MAGI2: variants seen among roughly 807,000 people sequenced by gnomAD.
MAGI2 encodes membrane-associated guanylate kinase, WW and PDZ domain-containing protein 2.
Under a neutral mutation model 133.3 loss-of-function variants are expected in MAGI2, and 35 were observed. The observed-to-expected ratio is 0.26, with a 90% CI of 0.20 to 0.35. The LOEUF (loss-of-function observed/expected upper bound fraction) is 0.35. Ranked by LOEUF, MAGI2 falls within the 10% of genes least tolerant of loss-of-function variation. The pLI is 1.00. For synonymous variants in MAGI2, 729 were observed against 710.6 expected (o/e 1.03, Z -0.41); for missense variants, 1,636 against 1,863.4 (o/e 0.88, Z 2.25).
At chr7:78,051,711 A>G (rs111461786) in intron 21 of MAGI2, among the ~76,000 whole-genome samples, 15,266 of 151,950 alleles carry the variant, frequency 0.1, 842 homozygotes, top group African/African-American at 0.12. Context: ...CAGCCTCCCA[A>G]ATAGCTGGGA....
At chr7:78,531,200 GTAATTAT>G (rs1797438075) in intron 3 of MAGI2, among the ~76,000 whole-genome samples, 1 of 150,438 alleles carries the variant, frequency 6.6e-6, no homozygotes, top group Non-Finnish European at 1.5e-5. Flanking sequence ...TGTTATTAAT[GTAATTAT>G]TAATTAAGTT....
chr7:79,053,634 A>C (rs1333000204), intron 1 of MAGI2, among the ~76,000 whole-genome samples: 1 of 152,222 alleles, frequency 6.6e-6, no homozygotes, highest in Admixed American at 6.5e-5. Context: ...TTAATATTAT[A>C]AGCTCCCACA....
At chr7:78,070,168 CACACACAT>C (rs1814370203) in intron 21 of MAGI2, among the ~76,000 whole-genome samples, 1 of 78,102 alleles carries the variant, frequency 1.3e-5, no homozygotes, top group Non-Finnish European at 2.3e-5. Context: ...TATATACACA[CACACACAT>C]ATATATATAT....
chr7:78,721,489 A>G (rs542238811), intron 2 of MAGI2, among the ~76,000 whole-genome samples: 1 of 152,174 alleles, frequency 6.6e-6, no homozygotes, highest in Admixed American at 6.5e-5. Flanking sequence ...TAGAAAGCAG[A>G]GAATAGATAT....
At chr7:78,892,449 C>T (rs964149347) in intron 2 of MAGI2, among the ~76,000 whole-genome samples, 21 of 152,070 alleles carry the variant, frequency 1.4e-4, no homozygotes, top group East Asian at 9.7e-4. Flanking sequence ...AGAACAAAGC[C>T]GGAGGCATCA....
At chr7:78,833,062 C>T (rs959991565) in intron 2 of MAGI2, among the ~76,000 whole-genome samples, 33 of 152,120 alleles carry the variant, frequency 2.2e-4, no homozygotes, top group African/African-American at 6.8e-4. Context: ...CTGGTCTAAC[C>T]GGTTGTCTAG....
chr7:78,868,604 A>C (rs868055627), intron 2 of MAGI2, among the ~76,000 whole-genome samples: 15 of 152,328 alleles, frequency 9.8e-5, no homozygotes, highest in Middle Eastern at 3.4e-3. Flanking sequence ...ATTAGCAAAC[A>C]TTTCTTGGAG....
At chr7:78,484,596 A>G (rs1389130029) in intron 6 of MAGI2, 2 of 152,012 alleles carry the variant, frequency 1.3e-5, no homozygotes, top group Non-Finnish European at 2.9e-5. Context: ...TAGATGGATA[A>G]TTTTAGCCTA....
At chr7:78,413,781 CG>C (rs1191416526) in intron 6 of MAGI2, among the ~76,000 whole-genome samples, 3 of 151,902 alleles carry the variant, frequency 2.0e-5, no homozygotes, top group African/African-American at 7.3e-5. Flanking sequence ...ATGCTACACA[CG>C]GGCCAAGGAA....
At chr7:78,092,721 C>T (rs144743208) in intron 20 of MAGI2, among the ~76,000 whole-genome samples, 30 of 152,246 alleles carry the variant, frequency 2.0e-4, no homozygotes, top group Admixed American at 4.6e-4. Context: ...TTTTCAGTTT[C>T]GGTTAATAAT....
intron 2 of MAGI2, among the ~76,000 whole-genome samples, chr7:78,754,431 CA>C (rs1402644830): frequency 1.3e-5 from 2 of 151,724 alleles, no homozygotes; most frequent in Non-Finnish European, 2.9e-5. Flanking sequence ...AGTAACAAAA[CA>C]GTTATTAATA....
intron 3 of MAGI2, among the ~76,000 whole-genome samples, chr7:78,547,531 A>G (rs1798953638): frequency 6.6e-6 from 1 of 152,216 alleles, no homozygotes. Flanking sequence ...TCATTCGTTC[A>G]TTCAATTTTC....
intron 16 of MAGI2, among the ~76,000 whole-genome samples, chr7:78,137,115 T>C (rs940417404): frequency 1.1e-4 from 16 of 151,714 alleles, no homozygotes; most frequent in Non-Finnish European, 1.8e-4. Flanking sequence ...AAAAATGATG[T>C]AGGCATTGCA....
chr7:78,957,604 A>T (rs1802495950), intron 2 of MAGI2, among the ~76,000 whole-genome samples: 1 of 152,172 alleles, frequency 6.6e-6, no homozygotes, highest in Non-Finnish European at 1.5e-5. Context: ...CCTGTTTGAA[A>T]TGCTTTTCAT....
chr7:78,019,300 C>A lies in MAGI2; in HGVS notation c.*15G>T, dbSNP rs1231033695. On this transcript the variant is annotated 3_prime_UTR_variant, in exon 22 of 22. Transcript: ENST00000354212. ...GCCTGCGCCGGGGCGGGCGGGTTGG[C>A]CGTGGCCGCGCGGCTCATCTGCTGG... The A allele has an allele frequency of 6.4e-7, 1 of 1,570,952 alleles. No homozygotes were observed. Among genetic ancestry groups the A allele is most frequent in the African/African-American group, 1.4e-5 (1 of 73,384 alleles).
intron 2 of MAGI2, among the ~76,000 whole-genome samples, chr7:78,680,890 T>C (rs745356200): frequency 1.6e-4 from 25 of 152,088 alleles, no homozygotes; most frequent in Non-Finnish European, 3.4e-4. Context: ...GCTCAATGGA[T>C]CTTGATGGAG....
At chr7:78,591,224 C>T (rs1803968035) in intron 3 of MAGI2, among the ~76,000 whole-genome samples, 1 of 152,214 alleles carries the variant, frequency 6.6e-6, no homozygotes, top group Non-Finnish European at 1.5e-5. Flanking sequence ...TCCAGCAATT[C>T]TATTTCAAGA....
chr7:78,476,581 T>C (rs1791772496), intron 6 of MAGI2, among the ~76,000 whole-genome samples: 1 of 152,004 alleles, frequency 6.6e-6, no homozygotes, highest in Non-Finnish European at 1.5e-5. Context: ...ACCTTGGGAA[T>C]TGTGGTTCTA....
intron 2 of MAGI2, among the ~76,000 whole-genome samples, chr7:78,976,020 A>G (rs191604835): frequency 7.2e-5 from 11 of 151,826 alleles, no homozygotes; most frequent in African/African-American, 2.6e-4. Context: ...GTTAATCAGT[A>G]ATAACTTCTC....
Sources: allele counts gnomAD v4.1 joint callset (sites outside exome capture counted in the v4.1 genomes callset), GRCh38; gene constraint gnomAD v4.1.1; transcripts MANE v1.5; gene names NCBI Gene and HGNC (gene_info 2026-07-23, HGNC 2026-07-21).